BTBD8: variants seen among roughly 807,000 people sequenced by gnomAD.
BTBD8 encodes BTB domain containing 8.
BTBD8 carries 110 observed loss-of-function variants against 162.9 expected under a neutral mutation model. The observed-to-expected ratio is 0.68, with a 90% CI of 0.58 to 0.79. The LOEUF (loss-of-function observed/expected upper bound fraction) is 0.79. Among genes scored for constraint, BTBD8 ranks in the 30% least tolerant of loss-of-function variants. The pLI, the probability that BTBD8 is intolerant of heterozygous loss-of-function variation, is 0.00. For synonymous variants in BTBD8, 667 were observed against 716.1 expected (o/e 0.93, Z 1.10); for missense variants, 1,905 against 2,085.4 (o/e 0.91, Z 1.68).
At chr1:92,120,697 TAATC>T (rs1325521216) in intron 4 of BTBD8, among the ~76,000 whole-genome samples, 1 of 152,208 alleles carries the variant, frequency 6.6e-6, no homozygotes. Flanking sequence ...AGCTTCATTA[TAATC>T]TTATGGGACC....
Position 92,102,560 on chromosome 1 carries a change from G to A in BTBD8, c.435G>A (p.Lys145=), listed in dbSNP as rs1421049231. The A allele has an allele frequency of 6.3e-7, 1 of 1,596,906 alleles. No homozygotes were observed. The highest frequency in any genetic ancestry group is 1.3e-5 in the African/African-American group (1 of 74,418). The change falls in exon 3 of 18, where the codon AAG becomes AAA. Residue 145 remains lysine (K), a synonymous_variant. Transcript: ENST00000636805. ...KKIMEIGISQ[K]QLDISFPKCE... The stretch of plus-strand genomic sequence containing the variant: ...TAATGGAGATTGGGATATCACAAAA[G>A]CAACTTGACATCAGTTTTCCAAAGT...
At chr1:92,107,477 T>C (rs2101907277) in intron 3 of BTBD8, among the ~76,000 whole-genome samples, 1 of 152,322 alleles carries the variant, frequency 6.6e-6, no homozygotes, top group East Asian at 1.9e-4. Context: ...CACTATTCAT[T>C]GCAGTAACAT....
chr1:92,160,754 C>T (rs1650256806), intron 9 of BTBD8, among the ~76,000 whole-genome samples: 1 of 152,146 alleles, frequency 6.6e-6, no homozygotes, highest in African/African-American at 2.4e-5. Context: ...GTTCTGGCAA[C>T]TAGTCGCATG....
intron 3 of BTBD8, among the ~76,000 whole-genome samples, chr1:92,106,183 A>G (rs927025905): frequency 6.6e-6 from 1 of 152,252 alleles, no homozygotes; most frequent in Non-Finnish European, 1.5e-5. Context: ...GTCTCACAGT[A>G]GAATTTACTG....
Position 92,139,350 on chromosome 1 carries a change from T to C in BTBD8, c.753T>C (p.Gly251=). ...ATTTGAGTTTTCTTTTATTTTTCAG[T>C]ATAAGCCATGTAGAACTGAATGTTA... is the stretch of plus-strand genomic sequence containing the variant. ...ESSQEYVTLQ[G]ISHVELNVMM... The change falls in exon 6 of 18, where the codon GGT becomes GGC. Residue 251 remains glycine, a splice_region_variant and synonymous_variant. Transcript: ENST00000636805. 1 of 1,571,990 alleles carries C rather than the reference T, an allele frequency of 6.4e-7. No homozygotes were observed. The highest frequency in any genetic ancestry group is 8.6e-7 in the Non-Finnish European group (1 of 1,168,252).
At chr1:92,139,319 T>C in intron 5 of BTBD8, 31 bp from the exon 6 acceptor site, 1 of 1,545,944 alleles carries the variant, frequency 6.5e-7, no homozygotes, top group South Asian at 1.3e-5. Context: ...TAAACCTTAA[T>C]TCTGGATTTG....
intron 9 of BTBD8, among the ~76,000 whole-genome samples, chr1:92,165,505 TAA>T (rs772757478): frequency 6.5e-5 from 9 of 139,532 alleles, no homozygotes; most frequent in Admixed American, 1.4e-4. Context: ...CTTCTGGACC[TAA>T]AAAAAAAAAA....
chr1:92,105,771 G>A (rs981162264), intron 3 of BTBD8, among the ~76,000 whole-genome samples: 2 of 152,196 alleles, frequency 1.3e-5, no homozygotes, highest in African/African-American at 4.8e-5. Context: ...AACCAGAAGA[G>A]GTTCAGAGAA....
At chr1:92,115,165 C>A (rs1038718037) in intron 4 of BTBD8, 2 of 529,288 alleles carry the variant, frequency 3.8e-6, no homozygotes, top group East Asian at 9.7e-5. Context: ...ACAGCCTTGG[C>A]AGCACCAGTA....
At chr1:92,177,731 A>G (rs1650762735) in intron 14 of BTBD8, 80 bp from the exon 15 acceptor site, 1 of 913,104 alleles carries the variant, frequency 1.1e-6, no homozygotes, top group Non-Finnish European at 1.7e-6. Flanking sequence ...TTTTGTTTAT[A>G]GTGTCTAACC....
At chr1:92,174,624 A>G (rs1650649895) in intron 13 of BTBD8, among the ~76,000 whole-genome samples, 1 of 88,214 alleles carries the variant, frequency 1.1e-5, no homozygotes, top group Non-Finnish European at 2.4e-5. Flanking sequence ...AAATAGAGAA[A>G]TGTTTTTTTT....
chr1:92,131,119 A>G (rs758765806), intron 5 of BTBD8, among the ~76,000 whole-genome samples: 2 of 152,254 alleles, frequency 1.3e-5, no homozygotes, highest in Non-Finnish European at 1.5e-5. Flanking sequence ...CAGAAGGACT[A>G]TGCTGGAGAC....
chr1:92,097,993 C>T (rs1292811977), intron 2 of BTBD8, among the ~76,000 whole-genome samples: 2 of 152,124 alleles, frequency 1.3e-5, no homozygotes, highest in African/African-American at 2.4e-5. Flanking sequence ...TGAAATGTTG[C>T]CAACAAGGGA....
chr1:92,138,088 T>G (rs1396848581), intron 5 of BTBD8, among the ~76,000 whole-genome samples: 1 of 152,170 alleles, frequency 6.6e-6, no homozygotes, highest in Non-Finnish European at 1.5e-5. Flanking sequence ...GCAGGTTGTT[T>G]CAGCAGCTAC....
At chr1:92,140,330 G>A (rs1474199307) in intron 6 of BTBD8, among the ~76,000 whole-genome samples, 2 of 152,010 alleles carry the variant, frequency 1.3e-5, no homozygotes, top group Admixed American at 6.5e-5. Flanking sequence ...GCGCTATAGT[G>A]AAATACCATC....
chr1:92,097,095 A>G (rs1422033638), intron 2 of BTBD8, among the ~76,000 whole-genome samples: 1 of 152,086 alleles, frequency 6.6e-6, no homozygotes, highest in Non-Finnish European at 1.5e-5. Context: ...TCTAAAATCA[A>G]ATCCTCTATT....
In BTBD8 at chr1:92,176,959, A is replaced by G. The variant is rs1465483769; in HGVS notation, c.1766A>G (p.His589Arg). 4 of 1,547,128 alleles carry G rather than the reference A, an allele frequency of 2.6e-6. No individual in the cohort carries two copies. In the Admixed American group the frequency reaches 6.0e-5, roughly 23 times the overall value. The part of the protein sequence containing the change: ...MKSDGLGASG[H>R]SSSTNRNSIN... ...TCTGATGGATTAGGAGCATCTGGAC[A>G]TTCGTCAAGTACCAATAGAAATAGT... The change falls in exon 14 of 18, where the codon CAT becomes CGT. Residue 589 changes from histidine (H) to arginine (R), a missense_variant. Physicochemically the swap from His to Arg is conservative, Grantham distance 29. Coordinates refer to ENST00000636805, the MANE Select transcript of BTBD8 (RefSeq NM_001376131.1).
intron 13 of BTBD8, 45 bp from the exon 14 acceptor site, chr1:92,176,784 A>T: frequency 1.1e-6 from 1 of 951,412 alleles, no homozygotes; most frequent in Non-Finnish European, 1.5e-6. Context: ...ATTATATGTT[A>T]AAGATTTCAG....
At position 92,177,448 on chromosome 1, in the gene BTBD8, CAGA is replaced by C; in HGVS notation, c.2263_2265del (p.Glu755del). On this transcript the variant is annotated inframe_deletion, in exon 14 of 18. Coordinates refer to ENST00000636805, the MANE Select transcript of BTBD8 (RefSeq NM_001376131.1). ...GATGAACCGAAAGAAAATGGATCAA[CAGA>C]AGAAGAAAAGCCTTCTGGACATAAA... is the stretch of plus-strand genomic sequence containing the variant. 1.3e-6 allele frequency: 2 copies of C among 1,551,644 alleles called. No individual in the cohort carries two copies. Among genetic ancestry groups the C allele is most frequent in the East Asian group, 2.4e-5 (1 of 40,924 alleles).
Sources: allele counts gnomAD v4.1 joint callset (sites outside exome capture counted in the v4.1 genomes callset), GRCh38; gene constraint gnomAD v4.1.1; transcripts MANE v1.5; gene names NCBI Gene and HGNC (gene_info 2026-07-23, HGNC 2026-07-21).